Variants in FAAH2 observed in about 807,000 individuals in gnomAD.
FAAH2 encodes the protein fatty-acid amide hydrolase 2.
A neutral mutation model predicts 36.9 loss-of-function variants in FAAH2; 60 were observed. The observed-to-expected ratio is 1.63, with a 90% confidence interval of 1.32 to 2.02. The LOEUF (loss-of-function observed/expected upper bound fraction) is 2.02. Ranked by LOEUF, FAAH2 falls within the 30% of genes most tolerant of loss-of-function variation. FAAH2 has a pLI of 0.00. For synonymous variants in FAAH2, 214 were observed against 143.8 expected (o/e 1.49, Z -3.49); for missense variants, 689 against 397.5 (o/e 1.73, Z -6.23).
chrX:57,337,126 C>T (rs1256871542), intron 4 of FAAH2, among the ~76,000 whole-genome samples: 1 of 110,124 alleles, frequency 9.1e-6, no homozygotes, highest in African/African-American at 3.3e-5. Context: ...CCTGTATGGA[C>T]AAAACTAGAA....
intron 7 of FAAH2, chrX:57,392,998 C>A: frequency 1.1e-6 from 1 of 920,120 alleles, no homozygotes; most frequent in South Asian, 2.0e-5. Context: ...AGCTTGAGGT[C>A]ATAAAGGAGT....
chrX:57,336,305 C>T (rs2053550706), intron 4 of FAAH2, among the ~76,000 whole-genome samples: 1 of 108,844 alleles, frequency 9.2e-6, no homozygotes, highest in South Asian at 3.9e-4. Context: ...TTTCCTTTAC[C>T]TACTCAAATC....
intron 8 of FAAH2, among the ~76,000 whole-genome samples, chrX:57,436,829 T>C (rs1312775420): frequency 9.0e-6 from 1 of 111,094 alleles, no homozygotes; most frequent in Non-Finnish European, 1.9e-5. Flanking sequence ...ACAGTTCTTT[T>C]GAAATTGCTC....
the FAAH2 span, among the ~76,000 whole-genome samples, chrX:57,252,105 C>A: frequency 2.7e-5 from 3 of 112,756 alleles, no homozygotes; most frequent in Admixed American, 1.9e-4. Flanking sequence ...ACCCACAGAG[C>A]CTTGCTCGCT....
At chrX:57,126,526 G>A in the FAAH2 span, among the ~76,000 whole-genome samples, 14,850 of 111,768 alleles carry the variant, frequency 0.13, 2,026 homozygotes, top group African/African-American at 0.42. Flanking sequence ...GAAAGGATAT[G>A]AGGATTAAGC....
chrX:57,383,335 G>C (rs905763769), intron 7 of FAAH2, among the ~76,000 whole-genome samples: 2 of 111,820 alleles, frequency 1.8e-5, no homozygotes, highest in African/African-American at 6.5e-5. Context: ...GGGAAATCAG[G>C]CAGCAGAAGG....
chrX:57,356,225 TTTCTTGTAGTAACAGTATA>T lies in FAAH2; in HGVS notation c.742+14837_742+14855del, dbSNP rs1356451457. Among the ~76,000 whole-genome samples the T allele has an allele frequency of 4.5e-5, 5 of 111,213 alleles. No individual in the cohort carries two copies. The Admixed American group carries it at 4.8e-4, about 11-fold the overall frequency. On this transcript the variant is annotated intron_variant, in intron 5 of 10. Transcript: ENST00000374900. Reference sequence around the variant, plus strand: ...TTTATCAGGGATATTGGTCTATAGTTTTCTTGTAGTAACAGTATATGGTTTGGTATCAGGGTAACACTGG... The same window carrying T: ...TTTATCAGGGATATTGGTCTATAGTTTGGTTTGGTATCAGGGTAACACTGG...
intron 10 of FAAH2, among the ~76,000 whole-genome samples, chrX:57,461,101 C>T (rs530873131): frequency 1.8e-5 from 2 of 108,889 alleles, no homozygotes; most frequent in Middle Eastern, 9.4e-3. Context: ...GAAGAGCTAA[C>T]TATCCTAAAC....
chrX:57,149,903 A>C, the FAAH2 span, among the ~76,000 whole-genome samples: 1 of 111,681 alleles, frequency 9.0e-6, no homozygotes, highest in East Asian at 2.8e-4. Context: ...ATTTAGTGCT[A>C]TAAATTTCTC....
At chrX:57,323,266 C>T (rs1371661816) in intron 3 of FAAH2, among the ~76,000 whole-genome samples, 1 of 111,639 alleles carries the variant, frequency 9.0e-6, no homozygotes, top group African/African-American at 3.3e-5. Context: ...CAAGTCTTTG[C>T]TATTGTGAAT....
At chrX:57,205,931 T>A in the FAAH2 span, among the ~76,000 whole-genome samples, 1 of 111,624 alleles carries the variant, frequency 9.0e-6, no homozygotes, top group Admixed American at 9.5e-5. Flanking sequence ...TTCTCCCATT[T>A]CCTATCGTAG....
At chrX:57,413,810 A>G (rs761526135) in intron 7 of FAAH2, among the ~76,000 whole-genome samples, 3 of 111,895 alleles carry the variant, frequency 2.7e-5, no homozygotes, top group Non-Finnish European at 5.6e-5. Flanking sequence ...CAGTATGGCC[A>G]TTTTCATGAT....
At chrX:57,300,049 T>C (rs2052295865) in intron 2 of FAAH2, among the ~76,000 whole-genome samples, 1 of 111,603 alleles carries the variant, frequency 9.0e-6, no homozygotes, top group African/African-American at 3.3e-5. Context: ...ATTTATAGAT[T>C]CAATGCCATC....
chrX:57,448,613 G>T lies in FAAH2; in HGVS notation c.1318G>T (p.Val440Leu), dbSNP rs760226332. 5.8e-6 allele frequency: 7 copies of T among 1,211,502 alleles called. No individual in the cohort carries two copies. The highest frequency in any genetic ancestry group is 7.8e-6 in the Non-Finnish European group (7 of 895,284). ...GGAAGAAAGCCTGCGTAAAGAGCTG[G>T]TGGATATGCTAGGTGATGATGGTGT... ...AVEESLRKEL[V>L]DMLGDDGVFL... The change falls in exon 10 of 11, where the codon GTG becomes TTG. Residue 440 changes from valine (V) to leucine (L), a missense_variant. Physicochemically the swap from Val to Leu is conservative, Grantham distance 32. Coordinates refer to ENST00000374900, the MANE Select transcript of FAAH2 (RefSeq NM_174912.4).
the FAAH2 span, among the ~76,000 whole-genome samples, chrX:57,214,803 C>T: frequency 9.0e-6 from 1 of 111,395 alleles, no homozygotes; most frequent in Non-Finnish European, 1.9e-5. Context: ...AATCAACCTT[C>T]AATAGTTCTG....
At chrX:57,334,385 A>C (rs960012681) in intron 4 of FAAH2, among the ~76,000 whole-genome samples, 1 of 110,898 alleles carries the variant, frequency 9.0e-6, no homozygotes, top group Non-Finnish European at 1.9e-5. Flanking sequence ...AGTGAAAAAG[A>C]AATAAAGATG....
intron 4 of FAAH2, among the ~76,000 whole-genome samples, chrX:57,333,407 G>A (rs374485923): frequency 2.7e-5 from 3 of 111,448 alleles, no homozygotes; most frequent in African/African-American, 9.8e-5. Flanking sequence ...ATCACAGTTT[G>A]AAAAGAGAAA....
At chrX:57,197,422 C>A in the FAAH2 span, among the ~76,000 whole-genome samples, 1 of 110,911 alleles carries the variant, frequency 9.0e-6, no homozygotes, top group Non-Finnish European at 1.9e-5. Flanking sequence ...GCTAGTATGA[C>A]CTTTTGGGGA....
rs894862302 is a variant in FAAH2 at position 57,331,689 on chromosome X, C to T, written c.504C>T (p.Ala168=). The T allele has an allele frequency of 8.3e-7, 1 of 1,209,784 alleles. No individual in the cohort carries two copies. The highest frequency in any genetic ancestry group is 1.7e-5 in the African/African-American group (1 of 57,164). Residue 168 remains alanine, a synonymous_variant, in exon 4 of 11, where the codon GCC becomes GCT. Coordinates refer to ENST00000374900, the MANE Select transcript of FAAH2 (RefSeq NM_174912.4). Reference sequence around the variant, plus strand: ...TGGCATTACTGAAGGGAGCTGGTGCCATTCCTCTTGGCATAACCAACTGTA... The same window carrying T: ...TGGCATTACTGAAGGGAGCTGGTGCTATTCCTCTTGGCATAACCAACTGTA... ...TVVALLKGAG[A]IPLGITNCSE... is the part of the protein sequence containing the mutation.
Sources: allele counts gnomAD v4.1 joint callset (sites outside exome capture counted in the v4.1 genomes callset), GRCh38; gene constraint gnomAD v4.1.1; transcripts MANE v1.5; gene names NCBI Gene and HGNC (gene_info 2026-07-23, HGNC 2026-07-21).